Variants in GAGE1 observed in about 807,000 individuals in gnomAD.
The protein encoded by GAGE1 is G antigen 4.
Under a neutral mutation model 5.0 loss-of-function variants are expected in GAGE1, and 5 were observed. That is an observed-to-expected ratio of 1.00 (90% CI 0.52 to 2.11). The LOEUF (loss-of-function observed/expected upper bound fraction) is 2.11, where lower values mean the gene tolerates loss of function less well. Among genes scored for constraint, GAGE1 ranks in the 30% most tolerant of loss-of-function variants. The pLI, the probability that GAGE1 is intolerant of heterozygous loss-of-function variation, is 0.01. For synonymous variants in GAGE1, 6 were observed against 14.8 expected, an observed-to-expected ratio of 0.40 and a Z score of 1.37; for missense variants, 9 against 38.9, an observed-to-expected ratio of 0.23 and a Z score of 2.04.
chrX:49,603,581 A>G (rs1467732410), intron 3 of GAGE1, 87 bp from the exon 4 acceptor site: 1 of 1,208,551 alleles, frequency 8.3e-7, no homozygotes, highest in African/African-American at 1.8e-5. Flanking sequence ...AAGCTTTTAT[A>G]TAATAATACC....
At chrX:49,605,392 G>A (rs1324775992) in intron 4 of GAGE1, among the ~76,000 whole-genome samples, 2 of 112,347 alleles carry the variant, frequency 1.8e-5, no homozygotes, top group Non-Finnish European at 3.8e-5. Context: ...TTTCACACAT[G>A]TGTTTTCCAA....
At chrX:49,604,009 T>C (rs4824478) in intron 4 of GAGE1, among the ~76,000 whole-genome samples, 299 of 111,523 alleles carry the variant, frequency 2.7e-3, no homozygotes, top group African/African-American at 8.4e-3. Context: ...TGCTCCGCCG[T>C]GCCCAGCTAA....
intron 4 of GAGE1, chrX:49,605,045 A>G (rs1557131914): frequency 2.9e-6 from 3 of 1,023,373 alleles, no homozygotes; most frequent in African/African-American, 3.8e-5. Context: ...CTGGCTTTTA[A>G]TGAACAATTG....
intron 4 of GAGE1, among the ~76,000 whole-genome samples, chrX:49,604,828 G>A (rs1441221093): frequency 9.0e-6 from 1 of 111,729 alleles, no homozygotes; most frequent in Non-Finnish European, 1.9e-5. Flanking sequence ...GTTTGTTTGC[G>A]ACGGAGTCTC....
At position 49,607,023 on chromosome X, in the gene GAGE1, C is replaced by G. The variant is rs1368314480; in HGVS notation, c.*1008C>G. On this transcript the variant is annotated 3_prime_UTR_variant, in exon 5 of 5. Coordinates refer to ENST00000381700, the MANE Select transcript of GAGE1 (RefSeq NM_001040663.4). Reference sequence around the variant, plus strand: ...GGTCTCACTCTGTCACCCATGCTGACTGCAGTAGTGTGATCACAGCTTACT... The same window carrying G: ...GGTCTCACTCTGTCACCCATGCTGAGTGCAGTAGTGTGATCACAGCTTACT... 1 of 111,896 alleles carries G rather than the reference C, an allele frequency of 8.9e-6. No individual in the cohort carries two copies. Among genetic ancestry groups the G allele is most frequent in the East Asian group, 2.8e-4 (1 of 3,570 alleles). The allele number at this position is 111,896 out of a possible 1,213,427, so 9.2% of individuals were successfully genotyped here. A position where few individuals can be genotyped will look rare whatever the true frequency, so the allele number is the denominator to read the frequency against.
At position 49,606,057 on chromosome X, in the gene GAGE1, A is replaced by G. The variant is rs1557132201; in HGVS notation, c.*42A>G. 3.1e-6 allele frequency: 3 copies of G among 954,046 alleles called. No homozygotes were observed. The highest frequency in any genetic ancestry group is 3.6e-5 in the South Asian group (1 of 28,157). The allele number at this position is 954,046 out of a possible 1,213,427, so 78.6% of individuals were successfully genotyped here. On this transcript the variant is annotated 3_prime_UTR_variant, in exon 5 of 5. Coordinates refer to ENST00000381700, the MANE Select transcript of GAGE1 (RefSeq NM_001040663.4). ...ATGTTGCAGGCTGCTCCTATGTTGG[A>G]AAATTCTTCATTGAAGTTCTCCCAA...
chrX:49,602,321 G>C (rs1299663163), intron 3 of GAGE1, among the ~76,000 whole-genome samples: 1 of 94,012 alleles, frequency 1.1e-5, no homozygotes, highest in Admixed American at 1.2e-4. Flanking sequence ...TAAATTTTAG[G>C]ATATCTGTAT....
Position 49,607,345 on chromosome X carries a change from T to A in GAGE1, c.*1330T>A, listed in dbSNP as rs1456082339. The A allele has an allele frequency of 8.9e-6, 1 of 112,062 alleles. No individual in the cohort carries two copies. The highest frequency in any genetic ancestry group is 1.9e-5 in the Non-Finnish European group (1 of 53,258). 9.2% of individuals were successfully genotyped at this position (112,062 alleles called of 1,213,427 possible). On this transcript the variant is annotated 3_prime_UTR_variant, in exon 5 of 5. Coordinates refer to ENST00000381700, the MANE Select transcript of GAGE1 (RefSeq NM_001040663.4). ...ATTTATTTAAGGATTTTTATGTATA[T>A]CCTCATGAGTGACATTACCTGTACT...
chrX:49,602,189 T>A (rs142926823), intron 3 of GAGE1, among the ~76,000 whole-genome samples: 2,744 of 112,464 alleles, frequency 0.024, 44 homozygotes, highest in Non-Finnish European at 0.041. Context: ...ATAAATTCAT[T>A]AAATAAATAA....
At chrX:49,605,770 G>T (rs2066654177) in intron 4 of GAGE1, among the ~76,000 whole-genome samples, 1 of 110,374 alleles carries the variant, frequency 9.1e-6, no homozygotes, top group African/African-American at 3.3e-5. Context: ...ATTAGCCCTT[G>T]TGGTGGCACG....
chrX:49,607,754 C>T lies in GAGE1; in HGVS notation c.*1739C>T, dbSNP rs1413903552. The T allele has an allele frequency of 9.0e-6, 1 of 111,679 alleles. No individual in the cohort carries two copies. The highest frequency in any genetic ancestry group is 1.9e-5 in the Non-Finnish European group (1 of 53,200). 9.2% of individuals were successfully genotyped at this position (111,679 alleles called of 1,213,427 possible). On this transcript the variant is annotated 3_prime_UTR_variant, in exon 5 of 5. Coordinates refer to ENST00000381700, the MANE Select transcript of GAGE1 (RefSeq NM_001040663.4). ...CTAGATTTTGATCTGTGCTGTGTGG[C>T]TGAGAATGGGCTGACTGACCCTAGA...
chrX:49,604,006 C>T (rs1317283632), intron 4 of GAGE1, among the ~76,000 whole-genome samples: 3 of 112,777 alleles, frequency 2.7e-5, no homozygotes, highest in Admixed American at 9.3e-5. Flanking sequence ...GCGTGCTCCG[C>T]CGTGCCCAGC....
At chrX:49,604,966 C>T (rs782211312) in intron 4 of GAGE1, 2 of 773,465 alleles carry the variant, frequency 2.6e-6, no homozygotes, top group Non-Finnish European at 3.6e-6. Flanking sequence ...AGCCAACGTA[C>T]CTGAGTAAAA....
rs781885176 is a variant in GAGE1 at position 49,605,035 on chromosome X, C to G, written c.332-958C>G. 3.9e-6 allele frequency: 4 copies of G among 1,020,332 alleles called. No individual in the cohort carries two copies. In the South Asian group the frequency reaches 5.5e-5, roughly 14 times the overall value. 84.1% of individuals were successfully genotyped at this position (1,020,332 alleles called of 1,213,427 possible). A position where few individuals can be genotyped will look rare whatever the true frequency, so the allele number is the denominator to read the frequency against. ...ACTATGTTGCCCAGACTGGGATTCT[C>G]TGGCTTTTAATGAACAATTGCTTCT... On this transcript the variant is annotated intron_variant, in intron 4 of 4. Coordinates refer to ENST00000381700, the MANE Select transcript of GAGE1 (RefSeq NM_001040663.4).
At chrX:49,602,301 G>T (rs1358271932) in intron 3 of GAGE1, among the ~76,000 whole-genome samples, 2 of 103,323 alleles carry the variant, frequency 1.9e-5, no homozygotes, top group Non-Finnish European at 4.1e-5. Context: ...CTTAAAAATA[G>T]TTAAGATGGT....
intron 3 of GAGE1, among the ~76,000 whole-genome samples, chrX:49,602,545 G>A (rs1389693916): frequency 6.4e-5 from 5 of 78,059 alleles, no homozygotes; most frequent in Admixed American, 2.7e-4. Flanking sequence ...GTCTCTTACC[G>A]TGCTGCCCAC....
rs782452764 is a variant in GAGE1, at chrX:49,606,535, T to G, written c.*520T>G. 1 of 112,101 alleles carries G rather than the reference T, an allele frequency of 8.9e-6. No individual in the cohort carries two copies. Among genetic ancestry groups the G allele is most frequent in the African/African-American group, 3.2e-5 (1 of 30,889 alleles). 9.2% of individuals were successfully genotyped at this position (112,101 alleles called of 1,213,427 possible). ...GCCATTTTAAACCCTTTTATTTCCT[T>G]TTCTGATTTTATGGCATTGAGCAGA... On this transcript the variant is annotated 3_prime_UTR_variant, in exon 5 of 5. Coordinates refer to ENST00000381700, the MANE Select transcript of GAGE1 (RefSeq NM_001040663.4).
chrX:49,604,912 G>T, intron 4 of GAGE1: 1 of 338,346 alleles, frequency 3.0e-6, no homozygotes, highest in South Asian at 3.2e-5. Context: ...GGCTAAAGCA[G>T]TCCTCCCACC....
At chrX:49,605,550 C>G (rs1365854204) in intron 4 of GAGE1, among the ~76,000 whole-genome samples, 3 of 112,004 alleles carry the variant, frequency 2.7e-5, no homozygotes, top group Non-Finnish European at 5.6e-5. Context: ...CCTTAGCGTT[C>G]TGTTTTTAGT....
Sources: gnomAD v4.1 joint callset for allele counts (sites outside exome capture counted in the v4.1 genomes callset) on GRCh38, gnomAD v4.1.1 for gene constraint, MANE v1.5 for transcripts, NCBI Gene and HGNC (gene_info 2026-07-23, HGNC 2026-07-21) for gene names.